The following SND1 variants were observed in gnomAD, a reference collection of about 807,000 sequenced individuals.
SND1 encodes staphylococcal nuclease and tudor domain containing 1, also known as staphylococcal nuclease domain-containing protein 1.
A neutral mutation model predicts 121.7 loss-of-function variants in SND1; 38 were observed. The ratio of observed to expected loss-of-function variants is 0.31; its 90% CI spans 0.24 to 0.41. The LOEUF (loss-of-function observed/expected upper bound fraction) is 0.41, where lower values mean the gene tolerates loss of function less well. SND1 is among the 10% of genes least tolerant of loss of function. The probability of loss-of-function intolerance (pLI) is 1.00; values close to 1 mark genes in which losing one functional copy is unlikely to be tolerated. For missense variants in SND1, 868 were observed against 1,184.6 expected, an observed-to-expected ratio of 0.73 and a Z score of 3.92; for synonymous variants, 401 against 447.4, an observed-to-expected ratio of 0.90 and a Z score of 1.31.
intron 11 of SND1, among the ~76,000 whole-genome samples, chr7:127,820,976 C>T (rs1798536591): frequency 6.6e-6 from 1 of 152,168 alleles, no homozygotes; most frequent in Non-Finnish European, 1.5e-5. Flanking sequence ...AGAGTATTAG[C>T]TTTTCTCTGA....
At chr7:128,074,280 G>A (rs1046155983) in intron 16 of SND1, among the ~76,000 whole-genome samples, 1 of 152,202 alleles carries the variant, frequency 6.6e-6, no homozygotes, top group Non-Finnish European at 1.5e-5. Context: ...GTAGCTTTCT[G>A]CCGCAAGGAG....
At chr7:127,921,761 C>T (rs1034944783) in intron 14 of SND1, among the ~76,000 whole-genome samples, 1 of 152,184 alleles carries the variant, frequency 6.6e-6, no homozygotes, top group Admixed American at 6.5e-5. Context: ...CTGGCAACCA[C>T]TCATGTTTTT....
Position 127,660,553 on chromosome 7 carries a change from G to A in SND1, c.78+8102G>A, listed in dbSNP as rs150821657. 2.9e-4 allele frequency among the ~76,000 whole-genome samples: 44 copies of A among 152,208 alleles called. No individual in the cohort carries two copies. The Middle Eastern group carries it at 0.01, about 35-fold the overall frequency. On this transcript the variant is annotated intron_variant, in intron 1 of 23. Coordinates refer to ENST00000354725, the MANE Select transcript of SND1 (RefSeq NM_014390.4). ...TATCTGAAACGCTTGGACTAGAAGT[G>A]TTTCAGTTTTTGGAATATTTGCATT...
At chr7:127,704,150 G>T (rs1209146695) in intron 7 of SND1, among the ~76,000 whole-genome samples, 1 of 152,176 alleles carries the variant, frequency 6.6e-6, no homozygotes, top group Non-Finnish European at 1.5e-5. Context: ...GTTATTCTTA[G>T]ATGTAAGATG....
In SND1 at chr7:127,815,969, C is replaced by T. The variant is rs762752022; in HGVS notation, c.1242+8396C>T. ...CTTACTTCCTTTATTTGTGTTTATT[C>T]TTTCTGTGAATACTCCTCCTGGGTG... On this transcript the variant is annotated intron_variant, in intron 11 of 23. Transcript: ENST00000354725. Among the ~76,000 whole-genome samples, 57 of 152,106 alleles carry T rather than the reference C, an allele frequency of 3.7e-4. 1 individual carries two copies. Among genetic ancestry groups the T allele is most frequent in the Non-Finnish European group, 7.1e-4 (48 of 68,004 alleles).
intron 16 of SND1, among the ~76,000 whole-genome samples, chr7:128,033,711 C>T (rs1026626514): frequency 4.6e-5 from 7 of 152,178 alleles, no homozygotes; most frequent in Non-Finnish European, 8.8e-5. Context: ...TTATTGAACC[C>T]TTACTCTGTA....
intron 12 of SND1, among the ~76,000 whole-genome samples, chr7:127,864,207 T>C (rs1478801752): frequency 2.5e-5 from 3 of 118,284 alleles, no homozygotes; most frequent in African/African-American, 9.7e-5. Context: ...TAGGTAGCTC[T>C]TTATATGCAA....
At chr7:127,775,906 A>G (rs1797611236) in intron 10 of SND1, among the ~76,000 whole-genome samples, 1 of 152,094 alleles carries the variant, frequency 6.6e-6, no homozygotes, top group Non-Finnish European at 1.5e-5. Context: ...ATTCAAACCT[A>G]TGTTCACACA....
intron 15 of SND1, among the ~76,000 whole-genome samples, chr7:127,932,108 G>A (rs185970414): frequency 6.6e-6 from 1 of 152,330 alleles, no homozygotes; most frequent in East Asian, 1.9e-4. Flanking sequence ...GCCATAAATA[G>A]TGATTCTTCT....
At chr7:128,038,648 G>A (rs1792795008) in intron 16 of SND1, among the ~76,000 whole-genome samples, 1 of 150,224 alleles carries the variant, frequency 6.7e-6, no homozygotes, top group African/African-American at 2.4e-5. Context: ...TAAGGTATGA[G>A]ATGTTTTTCA....
intron 10 of SND1, among the ~76,000 whole-genome samples, chr7:127,753,713 C>T (rs759841032): frequency 1.3e-5 from 2 of 152,128 alleles, no homozygotes; most frequent in Admixed American, 1.3e-4. Flanking sequence ...TTTTCCTTCC[C>T]CCTTTATTGT....
intron 15 of SND1, among the ~76,000 whole-genome samples, chr7:127,950,216 CT>C (rs568839062): frequency 7.7e-4 from 117 of 151,602 alleles, no homozygotes; most frequent in Admixed American, 1.8e-3. Flanking sequence ...TTCCCTCCCC[CT>C]TTTTTTTTCC....
At chr7:128,074,778 TC>T in intron 17 of SND1, 88 bp downstream of exon 17, 2 of 1,288,320 alleles carry the variant, frequency 1.6e-6, no homozygotes, top group South Asian at 2.9e-5. Context: ...AGGAGGAAGT[TC>T]TCTCATCCCC....
At chr7:128,065,897 G>A (rs1276782277) in intron 16 of SND1, among the ~76,000 whole-genome samples, 3 of 152,330 alleles carry the variant, frequency 2.0e-5, no homozygotes, top group Middle Eastern at 6.8e-3. Context: ...ATGGGTCCGG[G>A]ACAGAATGAG....
At chr7:127,736,988 T>G in intron 10 of SND1, among the ~76,000 whole-genome samples, 1 of 152,190 alleles carries the variant, frequency 6.6e-6, no homozygotes, top group East Asian at 1.9e-4. Context: ...TTGTGAGTAT[T>G]TGCACAATTA....
chr7:127,988,346 G>C (rs535674294), intron 15 of SND1, among the ~76,000 whole-genome samples: 1 of 152,040 alleles, frequency 6.6e-6, no homozygotes, highest in Non-Finnish European at 1.5e-5. Context: ...CTTGAAAAAG[G>C]GCACAGAAGC....
intron 11 of SND1, among the ~76,000 whole-genome samples, chr7:127,809,682 A>G (rs1385338802): frequency 1.3e-5 from 2 of 152,240 alleles, no homozygotes; most frequent in African/African-American, 4.8e-5. Context: ...AGCTTAAGAA[A>G]GATAATGGAG....
In SND1 at chr7:127,721,407, A is replaced by C. The variant is rs2116387466; in HGVS notation, c.1152+7A>C. On this transcript the variant is annotated splice_region_variant and intron_variant, in intron 10 of 23. Transcript: ENST00000354725. Reference sequence around the variant, plus strand: ...GGAGGGGGAGAACACCCAGGTGAGAATAGGGAAGCAGCCGCGCCTCTTTGC... The same window carrying C: ...GGAGGGGGAGAACACCCAGGTGAGACTAGGGAAGCAGCCGCGCCTCTTTGC... The C allele has an allele frequency of 6.4e-7, 1 of 1,561,576 alleles. No homozygotes were observed. The highest frequency in any genetic ancestry group is 2.2e-5 in the East Asian group (1 of 44,518).
chr7:128,037,207 A>T (rs188142968), intron 16 of SND1, among the ~76,000 whole-genome samples: 184 of 152,328 alleles, frequency 1.2e-3, no homozygotes, highest in Non-Finnish European at 2.2e-3. Flanking sequence ...CACTCCCTCC[A>T]GAGGCCGTAG....
Sources: allele counts gnomAD v4.1 joint callset (sites outside exome capture counted in the v4.1 genomes callset), GRCh38; gene constraint gnomAD v4.1.1; transcripts MANE v1.5; gene names NCBI Gene and HGNC (gene_info 2026-07-23, HGNC 2026-07-21).